Variants in CCDC110 observed in about 807,000 individuals in gnomAD.
CCDC110 encodes coiled-coil domain containing 110.
A neutral mutation model predicts 77.1 loss-of-function variants in CCDC110; 70 were observed. That is an observed-to-expected ratio of 0.91 (90% CI 0.75 to 1.11). CCDC110 has a LOEUF of 1.11. Ranked by LOEUF, CCDC110 falls within the 50% of genes least tolerant of loss-of-function variation. The probability of loss-of-function intolerance (pLI) is 0.00; values close to 1 mark genes in which losing one functional copy is unlikely to be tolerated. For missense variants in CCDC110, 868 were observed against 942.9 expected (o/e 0.92, Z 1.04); for synonymous variants, 295 against 312.5 (o/e 0.94, Z 0.59).
At chr4:185,461,002 G>GTTTTTTTTTTT in intron 5 of CCDC110, 47 bp downstream of exon 5, 1 of 948,674 alleles carries the variant, frequency 1.1e-6, no homozygotes, top group Non-Finnish European at 1.7e-6. Flanking sequence ...TGGTAGTCAC[G>GTTTTTTTTTTT]TTTTGAAGTA....
intron 6 of CCDC110, among the ~76,000 whole-genome samples, chr4:185,451,131 T>C (rs1456790636): frequency 1.3e-5 from 2 of 152,192 alleles, no homozygotes; most frequent in African/African-American, 2.4e-5. Context: ...GATTCTCTCT[T>C]TTCTGCCACC....
At chr4:185,449,722 A>T in intron 6 of CCDC110, 1 of 1,018,420 alleles carries the variant, frequency 9.8e-7, no homozygotes, top group Non-Finnish European at 1.4e-6. Context: ...GAAAAAATAT[A>T]AGATGTTATG....
rs70962569 is a variant in CCDC110, at chr4:185,452,888, CAAAAAAAAAAAA to C, written c.2461+5226_2461+5237del. 8.9e-5 allele frequency among the ~76,000 whole-genome samples: 6 copies of C among 67,258 alleles called. 1 individual carries two copies. The East Asian group carries it at 2.1e-3, about 24-fold the overall frequency. 44.1% of individuals were successfully genotyped at this position (67,258 alleles called of 152,430 possible). On this transcript the variant is annotated intron_variant, in intron 6 of 6. Transcript: ENST00000307588. ...CCAGCCTGGACGGCAGAGTGAGACT[CAAAAAAAAAAAA>C]AAAAAAAAAAAGCCAGGTTCAACCT...
At position 185,456,061 on chromosome 4, in the gene CCDC110, A is replaced by G. The variant is rs185491861; in HGVS notation, c.2461+2065T>C. ...TGTCAACCACGTTTACTCAGTTGAC[A>G]TTTATAGAACACTCCAGTTCACCTG... is the stretch of plus-strand genomic sequence containing the variant. On this transcript the variant is annotated intron_variant, in intron 6 of 6. Coordinates refer to ENST00000307588, the MANE Select transcript of CCDC110 (RefSeq NM_152775.4). Among the ~76,000 whole-genome samples, 395 of 152,320 alleles carry G rather than the reference A, an allele frequency of 2.6e-3. 1 individual carries two copies. The highest frequency in any genetic ancestry group is 4.7e-3 in the Non-Finnish European group (320 of 68,018).
At position 185,462,740 on chromosome 4, in the gene CCDC110, T is replaced by A. The variant is rs772983510; in HGVS notation, c.172-32A>T. On this transcript the variant is annotated intron_variant, in intron 3 of 6. Coordinates refer to ENST00000307588, the MANE Select transcript of CCDC110 (RefSeq NM_152775.4). ...CAAAAGTAAAGTATGAAATTGAGTA[T>A]TTTTAGGTAGGTAAACGTATTCTTG... 3.0e-5 allele frequency: 47 copies of A among 1,548,900 alleles called. No individual in the cohort carries two copies. The East Asian group carries it at 1.1e-3, about 35-fold the overall frequency.
At chr4:185,471,564 C>G in intron 1 of CCDC110, 110 bp downstream of exon 1, 1 of 1,240,190 alleles carries the variant, frequency 8.1e-7, no homozygotes, top group Non-Finnish European at 1.1e-6. Flanking sequence ...TGCAGAAGGG[C>G]GGACCCGGGA....
Position 185,458,315 on chromosome 4 carries a change from C to A in CCDC110, c.2272G>T (p.Asp758Tyr). ...NYVRSIENERDTLEFEMRHLQ... is the reference protein window; with the variant it reads ...NYVRSIENERYTLEFEMRHLQ... ...TGCCGCATCTCAAATTCCAAGGTAT[C>A]CCTTTCATTTTCTATGCTTCTTACG... Residue 758 changes from aspartate (D) to tyrosine (Y), a missense_variant, in exon 6 of 7, where the codon GAT becomes TAT. Asp to Tyr is a radical substitution (Grantham distance 160). Coordinates refer to ENST00000307588, the MANE Select transcript of CCDC110 (RefSeq NM_152775.4). 3.1e-6 allele frequency: 5 copies of A among 1,592,316 alleles called. No homozygotes were observed. Among genetic ancestry groups the A allele is most frequent in the Non-Finnish European group, 4.3e-6 (5 of 1,173,814 alleles).
At position 185,460,143 on chromosome 4, in the gene CCDC110, A is replaced by C. The variant is rs1292963198; in HGVS notation, c.444T>G (p.Gly148=). Residue 148 remains glycine, a synonymous_variant, in exon 6 of 7, where the codon GGT becomes GGG. Transcript: ENST00000307588. ...TLHSVEEKLS[G]DSVNSLPQSV... ...TTTGAGGGAGACTGTTCACACTATC[A>C]CCACTTAATTTTTCTTCCACTGAAT... 24 of 1,613,076 alleles carry C rather than the reference A, an allele frequency of 1.5e-5. No individual in the cohort carries two copies. Among genetic ancestry groups the C allele is most frequent in the Non-Finnish European group, 1.9e-5 (23 of 1,179,830 alleles).
At chr4:185,449,608 A>G (rs1255551761) in intron 6 of CCDC110, 4 of 1,543,850 alleles carry the variant, frequency 2.6e-6, no homozygotes, top group South Asian at 1.2e-5. Context: ...CACTAAATTC[A>G]AAGAACTACA....
chr4:185,456,250 C>T (rs1293713260), intron 6 of CCDC110, among the ~76,000 whole-genome samples: 3 of 152,134 alleles, frequency 2.0e-5, no homozygotes, highest in African/African-American at 4.8e-5. Flanking sequence ...ACTTCCAATC[C>T]ATTGGGTCAA....
intron 2 of CCDC110, among the ~76,000 whole-genome samples, chr4:185,467,624 A>G (rs892412542): frequency 2.6e-5 from 4 of 152,216 alleles, no homozygotes; most frequent in Non-Finnish European, 5.9e-5. Flanking sequence ...TTTCTGTCAA[A>G]AGTGAAAAAC....
intron 2 of CCDC110, among the ~76,000 whole-genome samples, chr4:185,466,084 A>T (rs1336633916): frequency 6.6e-6 from 1 of 152,188 alleles, no homozygotes; most frequent in Non-Finnish European, 1.5e-5. Flanking sequence ...CACATCATTC[A>T]ACATGGATGG....
chr4:185,462,803 A>C, intron 3 of CCDC110, 95 bp from the exon 4 acceptor site: 1 of 1,184,374 alleles, frequency 8.4e-7, no homozygotes, highest in Non-Finnish European at 1.3e-6. Flanking sequence ...GTTGCCTATT[A>C]CTTGAAAAGA....
chr4:185,452,748 A>C (rs563303171), intron 6 of CCDC110, among the ~76,000 whole-genome samples: 1 of 152,266 alleles, frequency 6.6e-6, no homozygotes, highest in East Asian at 1.9e-4. Context: ...TACAAAAATT[A>C]ACCAGGCATG....
At position 185,463,003 on chromosome 4, in the gene CCDC110, T is replaced by G. The variant is rs780136435; in HGVS notation, c.162A>C (p.Ser54=). 2 of 1,613,362 alleles carry G rather than the reference T, an allele frequency of 1.2e-6. No homozygotes were observed. The highest frequency in any genetic ancestry group is 8.5e-7 in the Non-Finnish European group (1 of 1,179,308). The part of the protein sequence containing the change: ...AESENQIQPQ[S]ALKVLQQQLE... The stretch of plus-strand genomic sequence containing the variant: ...TGGAATATAGACTCACTTTCAATGC[T>G]GATTGTGGTTGGATTTGATTTTCTG... Residue 54 remains serine, a synonymous_variant, in exon 3 of 7, where the codon TCA becomes TCC. Transcript: ENST00000307588.
At chr4:185,450,208 A>AT (rs1160293281) in intron 6 of CCDC110, among the ~76,000 whole-genome samples, 3 of 152,240 alleles carry the variant, frequency 2.0e-5, no homozygotes, top group African/African-American at 7.2e-5. Flanking sequence ...TATGTAAAGC[A>AT]TCAGGTTATT....
At chr4:185,466,808 A>G (rs2095657182) in intron 2 of CCDC110, among the ~76,000 whole-genome samples, 1 of 152,078 alleles carries the variant, frequency 6.6e-6, no homozygotes, top group South Asian at 2.1e-4. Context: ...ATCACATAGT[A>G]GAAAGGGAGA....
intron 6 of CCDC110, among the ~76,000 whole-genome samples, chr4:185,448,070 G>C (rs2095619436): frequency 6.6e-6 from 1 of 152,140 alleles, no homozygotes; most frequent in South Asian, 2.1e-4. Context: ...ACCCAGGCTG[G>C]AGTGCAAAGG....
chr4:185,455,610 G>A (rs1043975179), intron 6 of CCDC110, among the ~76,000 whole-genome samples: 10 of 152,310 alleles, frequency 6.6e-5, no homozygotes, highest in African/African-American at 1.4e-4. Context: ...TTGGCCAGGC[G>A]CGGTGGCTTA....
Sources: allele counts gnomAD v4.1 joint callset (sites outside exome capture counted in the v4.1 genomes callset), GRCh38; gene constraint gnomAD v4.1.1; transcripts MANE v1.5; gene names NCBI Gene and HGNC (gene_info 2026-07-23, HGNC 2026-07-21).